The following DNAJC3 variants were observed in gnomAD, a reference collection of about 807,000 sequenced individuals.
DNAJC3 encodes the protein dnaJ homolog subfamily C member 3.
In DNAJC3, 38 loss-of-function variants were observed where a neutral mutation model predicts 68.6. The observed-to-expected ratio is 0.55, with a 90% CI of 0.43 to 0.73. DNAJC3 has a LOEUF of 0.73. DNAJC3 is among the 30% of genes least tolerant of loss of function. The pLI is 0.00. For missense variants in DNAJC3, 526 were observed against 591.9 expected, an observed-to-expected ratio of 0.89 and a Z score of 1.16; for synonymous variants, 203 against 204.0, an observed-to-expected ratio of 1.00 and a Z score of 0.04.
intron 2 of DNAJC3, among the ~76,000 whole-genome samples, chr13:95,714,496 T>C (rs1446382496): frequency 1.3e-5 from 2 of 152,132 alleles, no homozygotes; most frequent in Non-Finnish European, 2.9e-5. Context: ...AAGGCTTTTC[T>C]AAAAACAGGT....
intron 1 of DNAJC3, among the ~76,000 whole-genome samples, chr13:95,688,695 G>T (rs1205661228): frequency 6.6e-6 from 1 of 151,960 alleles, no homozygotes; most frequent in Non-Finnish European, 1.5e-5. Context: ...TGCAGAGATG[G>T]GGTTTTGCCA....
intron 1 of DNAJC3, among the ~76,000 whole-genome samples, chr13:95,705,032 A>T (rs1422554797): frequency 6.6e-6 from 1 of 151,820 alleles, no homozygotes; most frequent in African/African-American, 2.4e-5. Context: ...CTGTATTTTT[A>T]GTAGAGATGG....
At chr13:95,786,171 T>G in intron 10 of DNAJC3, 100 bp downstream of exon 10, 2 of 1,282,450 alleles carry the variant, frequency 1.6e-6, no homozygotes, top group East Asian at 2.6e-5. Flanking sequence ...TCTTTACTTA[T>G]GTAATTTCAG....
chr13:95,723,209 ATGAC>A (rs1210647717), intron 2 of DNAJC3, 29 bp from the exon 3 acceptor site: 4 of 1,538,914 alleles, frequency 2.6e-6, no homozygotes, highest in Non-Finnish European at 2.6e-6. Flanking sequence ...TTTTGAATAA[ATGAC>A]TAAGAGGTAA....
In DNAJC3 at chr13:95,749,692, A is replaced by G. The variant is rs147668162; in HGVS notation, c.394-7952A>G. Among the ~76,000 whole-genome samples the G allele has an allele frequency of 7.3e-3, 1,107 of 151,548 alleles. 22 individuals carry two copies. The highest frequency in any genetic ancestry group is 6.0e-3 in the Non-Finnish European group (409 of 67,922). On this transcript the variant is annotated intron_variant, in intron 4 of 11. Transcript: ENST00000602402. ...TAGGTAGCTGCCTGCCTGATATTGG[A>G]TGTGTACATAAGAGGGTTCTGGAAA...
intron 4 of DNAJC3, among the ~76,000 whole-genome samples, chr13:95,737,256 C>T (rs1345040088): frequency 6.6e-6 from 1 of 152,154 alleles, no homozygotes; most frequent in African/African-American, 2.4e-5. Flanking sequence ...CATCAATGTT[C>T]ATCAAGGATA....
intron 3 of DNAJC3, 108 bp downstream of exon 3, chr13:95,723,474 A>G: frequency 7.2e-6 from 9 of 1,248,500 alleles, no homozygotes; most frequent in Non-Finnish European, 9.9e-6. Flanking sequence ...GGAAGAGATC[A>G]AAGCTACAGT....
intron 2 of DNAJC3, among the ~76,000 whole-genome samples, 157 bp from the exon 3 acceptor site, chr13:95,723,085 T>G (rs1881388557): frequency 6.6e-6 from 1 of 152,118 alleles, no homozygotes. Context: ...TGCACTGATC[T>G]TGCTAGGCAA....
At chr13:95,697,354 C>G (rs1231108155) in intron 1 of DNAJC3, among the ~76,000 whole-genome samples, 1 of 152,132 alleles carries the variant, frequency 6.6e-6, no homozygotes, top group Non-Finnish European at 1.5e-5. Flanking sequence ...TAAAAAGAGG[C>G]CCCAAACTCT....
chr13:95,679,869 G>A (rs1293665111), intron 1 of DNAJC3, among the ~76,000 whole-genome samples: 1 of 152,214 alleles, frequency 6.6e-6, no homozygotes, highest in African/African-American at 2.4e-5. Context: ...AGAAGTGAAT[G>A]TGGAACTAAG....
intron 4 of DNAJC3, among the ~76,000 whole-genome samples, chr13:95,729,295 T>G (rs1376894002): frequency 9.5e-6 from 1 of 105,134 alleles, no homozygotes; most frequent in African/African-American, 3.7e-5. Flanking sequence ...CCTCTCCTTC[T>G]CCCTCTCCCT....
intron 1 of DNAJC3, among the ~76,000 whole-genome samples, chr13:95,704,851 G>GTTTTTTTTTTTATTTTTTTTTTTTTTTT (rs1880681685): frequency 1.0e-5 from 1 of 97,860 alleles, no homozygotes; most frequent in Non-Finnish European, 1.9e-5. Flanking sequence ...GTGTGTGTGT[G>GTTTTTTTTTTTATTTTTTTTTTTTTTTT]TTTTTTTTTT....
intron 4 of DNAJC3, among the ~76,000 whole-genome samples, chr13:95,743,687 G>A (rs1264859273): frequency 1.3e-5 from 2 of 151,980 alleles, no homozygotes; most frequent in Non-Finnish European, 2.9e-5. Context: ...TCTCCCTAGT[G>A]GCTGGGATCA....
At chr13:95,678,799 G>C (rs1879836502) in intron 1 of DNAJC3, among the ~76,000 whole-genome samples, 2 of 151,862 alleles carry the variant, frequency 1.3e-5, no homozygotes, top group South Asian at 2.1e-4. Context: ...TAGAATTGCT[G>C]TTCTGTATAT....
At chr13:95,749,183 G>A (rs2139665366) in intron 4 of DNAJC3, among the ~76,000 whole-genome samples, 1 of 152,318 alleles carries the variant, frequency 6.6e-6, no homozygotes, top group South Asian at 2.1e-4. Context: ...TCATACTGCT[G>A]TATTCATTGC....
At chr13:95,716,155 C>CA (rs1369862612) in intron 2 of DNAJC3, among the ~76,000 whole-genome samples, 2 of 151,670 alleles carry the variant, frequency 1.3e-5, no homozygotes, top group East Asian at 1.9e-4. Flanking sequence ...GACTCTGCCT[C>CA]AAAAAAACAA....
In DNAJC3 at chr13:95,789,981, T is replaced by C. The variant is rs1004687894; in HGVS notation, c.1358-892T>C. Among the ~76,000 whole-genome samples, 9 of 152,314 alleles carry C rather than the reference T, an allele frequency of 5.9e-5. No individual in the cohort carries two copies. In the East Asian group the frequency reaches 1.3e-3, roughly 23 times the overall value. ...TGCCCACTTTTTAATGGGGTTGTTT[T>C]CTTGTACATTTAAGTTCTTTGTAGA... On this transcript the variant is annotated intron_variant, in intron 11 of 11. Transcript: ENST00000602402.
rs904410882 is a variant in DNAJC3 at position 95,681,948 on chromosome 13, A to G, written c.82+4611A>G. 2.6e-5 allele frequency among the ~76,000 whole-genome samples: 4 copies of G among 152,338 alleles called. No homozygotes were observed. The East Asian group carries it at 5.8e-4, about 22-fold the overall frequency. Reference sequence around the variant, plus strand: ...TTCTGCTACTTTTTCTCATATTGAAATACATTAAATGTCTCTATTCCCAGA... The same window carrying G: ...TTCTGCTACTTTTTCTCATATTGAAGTACATTAAATGTCTCTATTCCCAGA... On this transcript the variant is annotated intron_variant, in intron 1 of 11. Transcript: ENST00000602402.
intron 9 of DNAJC3, among the ~76,000 whole-genome samples, chr13:95,778,094 G>A (rs1883337517): frequency 6.6e-6 from 1 of 152,124 alleles, no homozygotes; most frequent in Non-Finnish European, 1.5e-5. Context: ...AGATGGCCAT[G>A]CTGCCCAGAG....
Sources: allele counts gnomAD v4.1 joint callset (sites outside exome capture counted in the v4.1 genomes callset), GRCh38; gene constraint gnomAD v4.1.1; transcripts MANE v1.5; gene names NCBI Gene and HGNC (gene_info 2026-07-23, HGNC 2026-07-21).